The following TENM2 variants were observed in gnomAD, a reference collection of about 807,000 sequenced individuals.
TENM2 encodes the protein teneurin-2.
Under a neutral mutation model 245.2 loss-of-function variants are expected in TENM2, and 52 were observed. The observed-to-expected ratio is 0.21, with a 90% CI of 0.17 to 0.27. The LOEUF is 0.27. Among genes scored for constraint, TENM2 ranks in the 10% least tolerant of loss-of-function variants. The pLI is 1.00. For synonymous variants in TENM2, 1,363 were observed against 1,438.9 expected (o/e 0.95, Z 1.19); for missense variants, 3,046 against 3,666.8 (o/e 0.83, Z 4.37).
intron 2 of TENM2, among the ~76,000 whole-genome samples, chr5:167,789,846 C>T (rs1764827343): frequency 6.6e-6 from 1 of 152,194 alleles, no homozygotes; most frequent in African/African-American, 2.4e-5. Context: ...AGCTCCTTCT[C>T]TAGCAGGTTA....
chr5:167,952,782 G>C (rs1288991159), exon 4 of TENM2: 2 of 1,570,264 alleles, frequency 1.3e-6, no homozygotes, highest in Admixed American at 1.9e-5. Context: ...TCAGCTTCAG[G>C]ACAGCTGGGT....
At chr5:167,327,623 G>A (rs996979452) in intron 1 of TENM2, among the ~76,000 whole-genome samples, 4 of 152,168 alleles carry the variant, frequency 2.6e-5, no homozygotes, top group South Asian at 2.1e-4. Context: ...AGGATTTACC[G>A]ATAAAGGTGA....
At chr5:167,274,866 TG>T in the TENM2 span, among the ~76,000 whole-genome samples, 1 of 152,028 alleles carries the variant, frequency 6.6e-6, no homozygotes, top group Non-Finnish European at 1.5e-5. Context: ...ATTGTTTTAC[TG>T]TTGAGTTTTG....
intron 2 of TENM2, among the ~76,000 whole-genome samples, chr5:167,495,245 T>G (rs201231097): frequency 8.7e-5 from 1 of 11,454 alleles, no homozygotes; most frequent in African/African-American, 1.3e-4. Context: ...TTGTTTTTTG[T>G]TTTTTTTTTT....
At chr5:167,972,400 C>T (rs1292795047) in intron 4 of TENM2, among the ~76,000 whole-genome samples, 1 of 152,170 alleles carries the variant, frequency 6.6e-6, no homozygotes, top group East Asian at 1.9e-4. Context: ...AGACTTACCT[C>T]ATTCTTGTTT....
rs576961179 is a variant in TENM2, at chr5:168,261,196, C to T, written c.7563+783C>T. On this transcript the variant is annotated intron_variant, in intron 28 of 28. Transcript: ENST00000518659. ...CGTTACCTCCCAAACGCAGCCTCTCCCATTATCCCAGCCTGTCCCCCAACC... is the reference window on the plus strand; with the variant it reads ...CGTTACCTCCCAAACGCAGCCTCTCTCATTATCCCAGCCTGTCCCCCAACC... Among the ~76,000 whole-genome samples, 23 of 152,256 alleles carry T rather than the reference C, an allele frequency of 1.5e-4. No individual in the cohort carries two copies. In the South Asian group the frequency reaches 3.7e-3, roughly 25 times the overall value.
chr5:168,191,059 T>G (rs992709172), intron 14 of TENM2, among the ~76,000 whole-genome samples: 61 of 152,066 alleles, frequency 4.0e-4, no homozygotes, highest in African/African-American at 1.4e-3. Flanking sequence ...AGATTATCTC[T>G]AATCCACACA....
chr5:167,495,224 T>G (rs1768728794), intron 2 of TENM2, among the ~76,000 whole-genome samples: 1 of 120,682 alleles, frequency 8.3e-6, no homozygotes, highest in Admixed American at 1.0e-4. Flanking sequence ...TCCTTTAATG[T>G]TTTTTTTGTT....
rs185766939 is a variant in TENM2, at chr5:167,370,838, C to T, written c.227-4360C>T. On this transcript the variant is annotated intron_variant, in intron 1 of 28. Coordinates refer to ENST00000518659, the Ensembl canonical transcript of TENM2. ...AGAAGAATGAAGGGTTCACGGCTTT[C>T]CACTAGAAATCTTAGCTTGGAGAAT... Among the ~76,000 whole-genome samples the T allele has an allele frequency of 1.4e-3, 214 of 152,286 alleles. 1 individual carries two copies. The highest frequency in any genetic ancestry group is 2.6e-3 in the Non-Finnish European group (174 of 68,016).
chr5:168,004,993 T>C (rs1414587702), intron 5 of TENM2, among the ~76,000 whole-genome samples: 3 of 152,180 alleles, frequency 2.0e-5, no homozygotes, highest in East Asian at 3.8e-4. Context: ...GGAAGGTTGT[T>C]GGGTAAAGGT....
chr5:167,073,935 G>A, the TENM2 span, among the ~76,000 whole-genome samples: 16 of 152,184 alleles, frequency 1.1e-4, no homozygotes, highest in Admixed American at 7.2e-4. Context: ...GACGTCATCT[G>A]GCCCCCTATA....
the TENM2 span, among the ~76,000 whole-genome samples, chr5:167,268,873 CATAGATAGATAG>C: frequency 0.02 from 2,830 of 139,586 alleles, 38 homozygotes; most frequent in Middle Eastern, 0.072. Context: ...CCAAAAGATA[CATAGATAGATAG>C]ATAGATAGAT....
chr5:168,242,368 A>T (rs1210380240), intron 25 of TENM2, among the ~76,000 whole-genome samples: 2 of 152,298 alleles, frequency 1.3e-5, no homozygotes, highest in East Asian at 3.9e-4. Flanking sequence ...AATGCTTCAC[A>T]GTCTGTTCAT....
In TENM2 at chr5:167,448,046, A is replaced by G. The variant is rs543714291; in HGVS notation, c.502+72573A>G. On this transcript the variant is annotated intron_variant, in intron 2 of 28. Coordinates refer to ENST00000518659, the Ensembl canonical transcript of TENM2. ...GAAATAGAGAAAAATGAACAGTGGG[A>G]TAAAAATTCCTTTCCCAGTCCCTAC... is the stretch of plus-strand genomic sequence containing the variant. Among the ~76,000 whole-genome samples, 3 of 152,274 alleles carry G rather than the reference A, an allele frequency of 2.0e-5. No individual in the cohort carries two copies. In the South Asian group the frequency reaches 6.2e-4, roughly 32 times the overall value.
At chr5:167,199,330 G>A in the TENM2 span, among the ~76,000 whole-genome samples, 1 of 152,028 alleles carries the variant, frequency 6.6e-6, no homozygotes, top group Non-Finnish European at 1.5e-5. Flanking sequence ...CCTGCTATCT[G>A]GTGGTTCAAT....
chr5:167,195,810 G>A, the TENM2 span, among the ~76,000 whole-genome samples: 12,009 of 151,484 alleles, frequency 0.079, 1,609 homozygotes, highest in African/African-American at 0.28. Flanking sequence ...AATTTCATAA[G>A]GGCTATTTAT....
At chr5:167,618,959 T>C (rs1777976721) in intron 2 of TENM2, among the ~76,000 whole-genome samples, 1 of 152,066 alleles carries the variant, frequency 6.6e-6, no homozygotes. Context: ...GAGTAGTGAG[T>C]ACCCCCTTTT....
At chr5:167,856,336 A>T (rs1771097623) in intron 2 of TENM2, among the ~76,000 whole-genome samples, 1 of 152,268 alleles carries the variant, frequency 6.6e-6, no homozygotes, top group South Asian at 2.1e-4. Flanking sequence ...CCACAGATGA[A>T]AGCAGTTGTA....
chr5:168,126,867 A>T (rs1166705567), exon 12 of TENM2: 7 of 1,609,340 alleles, frequency 4.3e-6, no homozygotes, highest in Non-Finnish European at 5.9e-6. Context: ...CCCCCGCTGC[A>T]TTGAGCACGG....
Sources: gnomAD v4.1 joint callset for allele counts (sites outside exome capture counted in the v4.1 genomes callset) on GRCh38, gnomAD v4.1.1 for gene constraint, MANE v1.5 for transcripts, NCBI Gene and HGNC (gene_info 2026-07-23, HGNC 2026-07-21) for gene names.